EFHD1: variants seen among roughly 807,000 people sequenced by gnomAD.
EFHD1 encodes the protein EF-hand domain family member D1.
EFHD1 carries 10 observed loss-of-function variants against 17.2 expected under a neutral mutation model. That is an observed-to-expected ratio of 0.58 (90% CI 0.36 to 0.99). The LOEUF (loss-of-function observed/expected upper bound fraction) is 0.99. Ranked by LOEUF, EFHD1 falls within the 50% of genes least tolerant of loss-of-function variation. The pLI is 0.01. For missense variants in EFHD1, 310 were observed against 327.5 expected, an observed-to-expected ratio of 0.95 and a Z score of 0.41; for synonymous variants, 153 against 142.0, an observed-to-expected ratio of 1.08 and a Z score of -0.55.
At chr2:232,634,889 C>T (rs1694288527) in intron 1 of EFHD1, among the ~76,000 whole-genome samples, 1 of 152,240 alleles carries the variant, frequency 6.6e-6, no homozygotes, top group Non-Finnish European at 1.5e-5. Flanking sequence ...GGAAAAATGC[C>T]TGGGGGAGCT....
chr2:232,677,274 T>TCTTTATATAAC (rs1695196799), intron 3 of EFHD1, among the ~76,000 whole-genome samples: 1 of 141,348 alleles, frequency 7.1e-6, no homozygotes, highest in Non-Finnish European at 1.5e-5. Context: ...AACACACACA[T>TCTTTATATAAC]ACACACACAC....
intron 1 of EFHD1, chr2:232,661,748 CAG>C (rs111401199): frequency 0.38 from 57,593 of 150,984 alleles, 12,663 homozygotes; most frequent in Non-Finnish European, 0.5. Context: ...TTAGTAGAAA[CAG>C]GGTTTCACCA....
At chr2:232,661,644 GCCACCTC>G (rs1297095271) in intron 1 of EFHD1, 1 of 136,610 alleles carries the variant, frequency 7.3e-6, no homozygotes, top group Non-Finnish European at 1.5e-5. Flanking sequence ...TCAGCTCACT[GCCACCTC>G]CGCCTCCCAG....
chr2:232,672,431 C>A lies in EFHD1; in HGVS notation c.573C>A (p.Phe191Leu). 6.2e-7 allele frequency: 1 copy of A among 1,602,912 alleles called. No homozygotes were observed. Among genetic ancestry groups the A allele is most frequent in the Non-Finnish European group, 8.5e-7 (1 of 1,174,894 alleles). Reference sequence around the variant, plus strand: ...AGGGTGTCAAAGGTGCCAAGAACTTCTTTGAAGCCAAGGTAGGTGCTTAGT... The same window carrying A: ...AGGGTGTCAAAGGTGCCAAGAACTTATTTGAAGCCAAGGTAGGTGCTTAGT... Reference protein sequence around the residue: ...ALEGVKGAKNFFEAKVQALSS... With the variant: ...ALEGVKGAKNLFEAKVQALSS... Residue 191 changes from phenylalanine to leucine, a missense_variant, in exon 3 of 4, where the codon TTC becomes TTA. Phe to Leu is a conservative substitution (Grantham distance 22). Coordinates refer to ENST00000264059, the MANE Select transcript of EFHD1 (RefSeq NM_025202.4).
chr2:232,650,616 TGG>T (rs1694633035), intron 1 of EFHD1, among the ~76,000 whole-genome samples: 1 of 142,566 alleles, frequency 7.0e-6, no homozygotes, highest in Admixed American at 7.5e-5. Context: ...TTGCCCAGGC[TGG>T]AGTGCAGTGG....
At chr2:232,671,826 G>A (rs1030572886) in intron 2 of EFHD1, among the ~76,000 whole-genome samples, 1 of 152,166 alleles carries the variant, frequency 6.6e-6, no homozygotes, top group Non-Finnish European at 1.5e-5. Context: ...GGAGGCCGAG[G>A]CGGACAGATC....
intron 1 of EFHD1, among the ~76,000 whole-genome samples, chr2:232,608,887 G>A (rs188070727): frequency 6.7e-4 from 102 of 151,880 alleles, no homozygotes; most frequent in African/African-American, 2.1e-3. Flanking sequence ...CCGGGATCGC[G>A]CCACTGCACT....
At chr2:232,665,483 G>T (rs1052997019) in intron 2 of EFHD1, among the ~76,000 whole-genome samples, 21 of 151,954 alleles carry the variant, frequency 1.4e-4, no homozygotes, top group African/African-American at 5.1e-4. Context: ...GTACAGTGGT[G>T]CAATCTCGGC....
Position 232,662,823 on chromosome 2 carries a change from C to T in EFHD1, c.324C>T (p.Gly108=). The T allele has an allele frequency of 6.3e-7, 1 of 1,582,704 alleles. No individual in the cohort carries two copies. Among genetic ancestry groups the T allele is most frequent in the South Asian group, 1.2e-5 (1 of 86,450 alleles). ...GCAGGTATGACGCTGGGCGGGATGG[C>T]TTCATCGACCTGATGGAGCTGAAGC... is the stretch of plus-strand genomic sequence containing the variant. ...MFKLYDAGRD[G]FIDLMELKLM... Residue 108 remains glycine (G), a synonymous_variant, in exon 2 of 4, where the codon GGC becomes GGT. Coordinates refer to ENST00000264059, the MANE Select transcript of EFHD1 (RefSeq NM_025202.4).
exon 1 of EFHD1, chr2:232,606,143 C>G (rs1157564478): frequency 1.3e-6 from 2 of 1,550,184 alleles, no homozygotes; most frequent in East Asian, 2.4e-5. Flanking sequence ...GTAACGCTGA[C>G]AGTCCCCAGA....
At chr2:232,617,897 C>T (rs187525017) in intron 1 of EFHD1, among the ~76,000 whole-genome samples, 2 of 150,810 alleles carry the variant, frequency 1.3e-5, no homozygotes, top group Non-Finnish European at 3.0e-5. Context: ...TACAGTGAGC[C>T]AAGATCGTGC....
chr2:232,617,419 G>A (rs182958984), intron 1 of EFHD1, among the ~76,000 whole-genome samples: 1 of 152,218 alleles, frequency 6.6e-6, no homozygotes, highest in Non-Finnish European at 1.5e-5. Context: ...GGAGGCTGAG[G>A]CAGGTGGATC....
chr2:232,631,737 C>T (rs746728372), upstream of EFHD1, among the ~76,000 whole-genome samples: 1 of 145,426 alleles, frequency 6.9e-6, no homozygotes, highest in Non-Finnish European at 1.5e-5. Flanking sequence ...TGTGGTGGCT[C>T]ATGCCTGTAA....
intron 1 of EFHD1, among the ~76,000 whole-genome samples, chr2:232,662,480 G>T (rs1480744357): frequency 6.6e-6 from 1 of 152,130 alleles, no homozygotes; most frequent in African/African-American, 2.4e-5. Context: ...TTAGGAGGAG[G>T]TGCTCGCTTG....
chr2:232,616,664 G>C (rs977677206), intron 1 of EFHD1, among the ~76,000 whole-genome samples: 3 of 152,152 alleles, frequency 2.0e-5, no homozygotes, highest in Non-Finnish European at 4.4e-5. Context: ...TAGAATGGTG[G>C]TTGCATAGGG....
chr2:232,633,788 C>T lies in EFHD1; in HGVS notation c.84C>T (p.Pro28=). ...EAEESGPQLA[P]LGAPAPEPKP... is the part of the protein sequence containing the mutation. The stretch of plus-strand genomic sequence containing the variant: ...AGGAGAGTGGCCCCCAGCTGGCTCC[C>T]CTCGGCGCCCCAGCCCCGGAGCCCA... The change falls in exon 1 of 4, where the codon CCC becomes CCT. Residue 28 remains proline, a synonymous_variant. Transcript: ENST00000264059. The T allele has an allele frequency of 1.4e-6, 2 of 1,456,820 alleles. No individual in the cohort carries two copies. The highest frequency in any genetic ancestry group is 1.8e-6 in the Non-Finnish European group (2 of 1,113,028). The allele number at this position is 1,456,820 out of a possible 1,614,324, so 90.2% of individuals were successfully genotyped here.
At chr2:232,675,475 G>A (rs764262276) in intron 3 of EFHD1, among the ~76,000 whole-genome samples, 2 of 152,136 alleles carry the variant, frequency 1.3e-5, no homozygotes, top group African/African-American at 4.8e-5. Context: ...CCCGACTGCT[G>A]AGTGTTAGAA....
chr2:232,679,040 G>A (rs995557061), intron 3 of EFHD1, among the ~76,000 whole-genome samples: 2 of 152,028 alleles, frequency 1.3e-5, no homozygotes, highest in African/African-American at 4.8e-5. Context: ...ATCCTGTTAA[G>A]ATGTCAGCAC....
Position 232,633,753 on chromosome 2 carries a change from G to A in EFHD1, c.49G>A (p.Glu17Lys), listed in dbSNP as rs1355553676. 6.8e-7 allele frequency: 1 copy of A among 1,467,950 alleles called. No homozygotes were observed. The highest frequency in any genetic ancestry group is 8.9e-7 in the Non-Finnish European group (1 of 1,118,076). The allele number at this position is 1,467,950 out of a possible 1,614,324, so 90.9% of individuals were successfully genotyped here. A position where few individuals can be genotyped will look rare whatever the true frequency, so the allele number is the denominator to read the frequency against. ...CAAGCTGGAGCGCCGGCTGCGGCGCGAGGAGGCCGAGGAGAGTGGCCCCCA... is the reference window on the plus strand; with the variant it reads ...CAAGCTGGAGCGCCGGCTGCGGCGCAAGGAGGCCGAGGAGAGTGGCCCCCA... ...ACKLERRLRREEAEESGPQLA... is the reference protein window; with the variant it reads ...ACKLERRLRRKEAEESGPQLA... The change falls in exon 1 of 4, where the codon GAG becomes AAG. Residue 17 changes from glutamate (E) to lysine (K), a missense_variant. Coordinates refer to ENST00000264059, the MANE Select transcript of EFHD1 (RefSeq NM_025202.4).
Sources: allele counts gnomAD v4.1 joint callset (sites outside exome capture counted in the v4.1 genomes callset), GRCh38; gene constraint gnomAD v4.1.1; transcripts MANE v1.5; gene names NCBI Gene and HGNC (gene_info 2026-07-23, HGNC 2026-07-21).